Variants in HSD17B12 observed in about 807,000 individuals in gnomAD.
HSD17B12 encodes hydroxysteroid 17-beta dehydrogenase 12.
Under a neutral mutation model 39.3 loss-of-function variants are expected in HSD17B12, and 32 were observed. The observed-to-expected ratio is 0.81, with a 90% confidence interval of 0.61 to 1.09. The LOEUF (loss-of-function observed/expected upper bound fraction) is 1.09, where lower values mean the gene tolerates loss of function less well. Among genes scored for constraint, HSD17B12 ranks in the 50% least tolerant of loss-of-function variants. The pLI, the probability that HSD17B12 is intolerant of heterozygous loss-of-function variation, is 0.00. For synonymous variants in HSD17B12, 150 were observed against 146.7 expected, an observed-to-expected ratio of 1.02 and a Z score of -0.16; for missense variants, 342 against 382.9, an observed-to-expected ratio of 0.89 and a Z score of 0.89.
At chr11:43,583,779 G>A in the HSD17B12 span, among the ~76,000 whole-genome samples, 1 of 152,080 alleles carries the variant, frequency 6.6e-6, no homozygotes, top group Non-Finnish European at 1.5e-5. Context: ...GAAACTTCCA[G>A]GCACTTGCAT....
rs34783257 is a variant in HSD17B12 at position 43,771,462 on chromosome 11, CT to C, written c.283+17363del. ...ATATATGTAGGAGTGGACTCATATT[CT>C]TTTTTTTTTTTTTTTTTTTTTGAGA... On this transcript the variant is annotated intron_variant, in intron 3 of 10. Coordinates refer to ENST00000278353, the MANE Select transcript of HSD17B12 (RefSeq NM_016142.3). Among the ~76,000 whole-genome samples the C allele has an allele frequency of 5.1e-3, 462 of 90,608 alleles. 3 individuals carry two copies. In the East Asian group the frequency reaches 0.073, roughly 14 times the overall value. The allele number at this position is 90,608 out of a possible 152,430, so 59.4% of individuals were successfully genotyped here.
the HSD17B12 span, among the ~76,000 whole-genome samples, chr11:43,597,450 C>T: frequency 1.8e-4 from 27 of 152,092 alleles, no homozygotes; most frequent in Non-Finnish European, 3.1e-4. Context: ...GAATGCTGAA[C>T]GAAGGACTTT....
chr11:43,631,858 C>T, the HSD17B12 span, among the ~76,000 whole-genome samples: 8 of 152,108 alleles, frequency 5.3e-5, no homozygotes, highest in Non-Finnish European at 8.8e-5. Flanking sequence ...TTCTGAATCG[C>T]GGCTTCGGCT....
At chr11:43,668,515 G>A in the HSD17B12 span, among the ~76,000 whole-genome samples, 1 of 152,004 alleles carries the variant, frequency 6.6e-6, no homozygotes, top group East Asian at 1.9e-4. Flanking sequence ...ATGTAGACAT[G>A]GATATCTTTA....
the HSD17B12 span, among the ~76,000 whole-genome samples, chr11:43,558,906 A>G: frequency 6.6e-6 from 1 of 152,178 alleles, no homozygotes; most frequent in Non-Finnish European, 1.5e-5. Flanking sequence ...CCAAAAGGCA[A>G]GGAGTACAGA....
chr11:43,823,205 G>A (rs1400618762), intron 6 of HSD17B12, among the ~76,000 whole-genome samples: 1 of 151,902 alleles, frequency 6.6e-6, no homozygotes, highest in Admixed American at 6.6e-5. Flanking sequence ...AGAGTGTCAT[G>A]CGCCCACTGC....
chr11:43,653,111 CAG>C, the HSD17B12 span, among the ~76,000 whole-genome samples: 1 of 151,924 alleles, frequency 6.6e-6, no homozygotes, highest in African/African-American at 2.4e-5. Context: ...GAAGGAAGGT[CAG>C]AGAGAGATTC....
chr11:43,786,600 T>C (rs1434351118), intron 3 of HSD17B12, among the ~76,000 whole-genome samples: 1 of 152,230 alleles, frequency 6.6e-6, no homozygotes, highest in Non-Finnish European at 1.5e-5. Flanking sequence ...GGGCATCATG[T>C]CAGCAATTTA....
At chr11:43,777,845 G>C (rs539481782) in intron 3 of HSD17B12, among the ~76,000 whole-genome samples, 1 of 152,220 alleles carries the variant, frequency 6.6e-6, no homozygotes, top group South Asian at 2.1e-4. Flanking sequence ...TGTGTAGAGG[G>C]AAATTTATAG....
the HSD17B12 span, among the ~76,000 whole-genome samples, chr11:43,566,824 A>C: frequency 2.0e-5 from 3 of 152,218 alleles, no homozygotes; most frequent in African/African-American, 7.2e-5. Context: ...CACCACGCCC[A>C]GCCCCCAGAA....
intron 9 of HSD17B12, among the ~76,000 whole-genome samples, chr11:43,843,316 T>C (rs1951444452): frequency 6.6e-6 from 1 of 152,226 alleles, no homozygotes. Context: ...GATTGGTTTT[T>C]CTTTGGCGGT....
chr11:43,760,849 C>T (rs1950550025), intron 3 of HSD17B12, among the ~76,000 whole-genome samples: 1 of 152,026 alleles, frequency 6.6e-6, no homozygotes, highest in African/African-American at 2.4e-5. Context: ...TCATATAGCC[C>T]CATGAGTCAT....
chr11:43,681,210 C>G, intron 1 of HSD17B12: 1 of 1,280,810 alleles, frequency 7.8e-7, no homozygotes, highest in Non-Finnish European at 1.0e-6. Flanking sequence ...TCGCTCAATC[C>G]TGGGAATCTA....
At chr11:43,655,165 C>A in the HSD17B12 span, among the ~76,000 whole-genome samples, 1 of 152,132 alleles carries the variant, frequency 6.6e-6, no homozygotes, top group Non-Finnish European at 1.5e-5. Flanking sequence ...CTCTTTGAAG[C>A]AATTGTGATT....
chr11:43,794,082 A>T (rs1950894310), intron 3 of HSD17B12, among the ~76,000 whole-genome samples: 1 of 152,200 alleles, frequency 6.6e-6, no homozygotes, highest in Non-Finnish European at 1.5e-5. Context: ...GGTCTTAGCC[A>T]CTAGGCTGAG....
chr11:43,649,429 T>C, the HSD17B12 span, among the ~76,000 whole-genome samples: 1 of 152,202 alleles, frequency 6.6e-6, no homozygotes, highest in Non-Finnish European at 1.5e-5. Context: ...TATATTCTTC[T>C]ACTTGAGGTA....
intron 1 of HSD17B12, among the ~76,000 whole-genome samples, chr11:43,720,585 C>G (rs777407216): frequency 5.9e-5 from 9 of 152,158 alleles, no homozygotes; most frequent in Non-Finnish European, 1.3e-4. Flanking sequence ...CTGTTTGGCA[C>G]TTCCCTTAAG....
intron 1 of HSD17B12, among the ~76,000 whole-genome samples, chr11:43,733,571 C>A (rs1235918207): frequency 6.6e-6 from 1 of 152,182 alleles, no homozygotes; most frequent in African/African-American, 2.4e-5. Flanking sequence ...TTGAGTGATA[C>A]ATTGAATAGT....
the HSD17B12 span, among the ~76,000 whole-genome samples, chr11:43,657,352 TCCGGTTTGC>T: frequency 1.8e-4 from 27 of 152,244 alleles, no homozygotes; most frequent in Non-Finnish European, 3.4e-4. Context: ...TGACTCTTTA[TCCGGTTTGC>T]CAGTCTGTGC....
Sources: gnomAD v4.1 joint callset for allele counts (sites outside exome capture counted in the v4.1 genomes callset) on GRCh38, gnomAD v4.1.1 for gene constraint, MANE v1.5 for transcripts, NCBI Gene and HGNC (gene_info 2026-07-23, HGNC 2026-07-21) for gene names.